The following ANKRD44 variants were observed in gnomAD, a reference collection of about 807,000 sequenced individuals.
ANKRD44 encodes ankyrin repeat domain 44, also known as serine/threonine-protein phosphatase 6 regulatory ankyrin repeat subunit B.
A neutral mutation model predicts 116.0 loss-of-function variants in ANKRD44; 35 were observed. That is an observed-to-expected ratio of 0.30 (90% CI 0.23 to 0.40). ANKRD44 has a LOEUF of 0.40. Ranked by LOEUF, ANKRD44 falls within the 10% of genes least tolerant of loss-of-function variation. The probability of loss-of-function intolerance (pLI) is 1.00; values close to 1 mark genes in which losing one functional copy is unlikely to be tolerated. For missense variants in ANKRD44, 1,014 were observed against 1,242.6 expected (o/e 0.82, Z 2.77); for synonymous variants, 435 against 461.8 (o/e 0.94, Z 0.74).
At chr2:197,109,556 CTTTGT>C (rs2078516432) in intron 9 of ANKRD44, among the ~76,000 whole-genome samples, 1 of 152,150 alleles carries the variant, frequency 6.6e-6, no homozygotes, top group South Asian at 2.1e-4. Context: ...CAAATGACTT[CTTTGT>C]TTTATGTCTT....
chr2:197,264,561 C>T (rs1303529296), intron 1 of ANKRD44, among the ~76,000 whole-genome samples: 1 of 152,158 alleles, frequency 6.6e-6, no homozygotes, highest in African/African-American at 2.4e-5. Context: ...AGAGCTGCAA[C>T]AAATAGTTCA....
At chr2:196,995,177 AAAG>A (rs2075991176) in intron 26 of ANKRD44, 199 bp downstream of exon 26, 1 of 359,166 alleles carries the variant, frequency 2.8e-6, no homozygotes, top group African/African-American at 2.1e-5. Context: ...AGACATATCA[AAAG>A]AAGGATTCTA....
chr2:197,296,058 G>C (rs1453047371), intron 1 of ANKRD44, among the ~76,000 whole-genome samples: 1 of 152,042 alleles, frequency 6.6e-6, no homozygotes, highest in Non-Finnish European at 1.5e-5. Context: ...AAATAAAAAA[G>C]AAAAGAAGAA....
intron 21 of ANKRD44, among the ~76,000 whole-genome samples, chr2:196,971,125 T>C (rs2075712587): frequency 1.3e-5 from 2 of 152,344 alleles, no homozygotes; most frequent in Non-Finnish European, 1.5e-5. Flanking sequence ...CTTAACATTA[T>C]GTCATGCACA....
chr2:197,024,691 T>C (rs1339599193), intron 17 of ANKRD44, among the ~76,000 whole-genome samples: 2 of 152,202 alleles, frequency 1.3e-5, no homozygotes, highest in Admixed American at 6.5e-5. Flanking sequence ...CAGACTTCGT[T>C]GAAGACCCTG....
At chr2:197,131,026 C>T (rs2125364584) in intron 4 of ANKRD44, among the ~76,000 whole-genome samples, 1 of 152,276 alleles carries the variant, frequency 6.6e-6, no homozygotes, top group South Asian at 2.1e-4. Context: ...CACTTTCCTC[C>T]ACTTTCTGGC....
chr2:196,980,812 A>T (rs931990496), intron 21 of ANKRD44, among the ~76,000 whole-genome samples: 1 of 152,242 alleles, frequency 6.6e-6, no homozygotes, highest in Non-Finnish European at 1.5e-5. Flanking sequence ...TAAAAGCTTC[A>T]TCCTAATCCT....
At chr2:197,088,637 C>T (rs2077977723) in intron 12 of ANKRD44, 74 bp downstream of exon 12, 1 of 948,748 alleles carries the variant, frequency 1.1e-6, no homozygotes, top group Non-Finnish European at 1.5e-6. Flanking sequence ...GCCTTTGATT[C>T]ACAGACAACT....
At position 197,269,960 on chromosome 2, in the gene ANKRD44, C is replaced by T. The variant is rs116627538; in HGVS notation, c.27+40618G>A. Among the ~76,000 whole-genome samples, 356 of 152,260 alleles carry T rather than the reference C, an allele frequency of 2.3e-3. 4 individuals carry two copies. Among genetic ancestry groups the T allele is most frequent in the African/African-American group, 8.3e-3 (344 of 41,568 alleles). ...GTTCTGTTTTTCAGCAGGGTGGCTA[C>T]CTGCAATTCTGGATAGGACACTTCC... On this transcript the variant is annotated intron_variant, in intron 1 of 27. Coordinates refer to ENST00000282272, the MANE Select transcript of ANKRD44 (RefSeq NM_001195144.2).
At chr2:197,181,122 C>T (rs1327294749) in intron 2 of ANKRD44, among the ~76,000 whole-genome samples, 1 of 152,148 alleles carries the variant, frequency 6.6e-6, no homozygotes, top group Non-Finnish European at 1.5e-5. Context: ...ATTGTATTCA[C>T]AAAGCATCCC....
At chr2:197,221,341 G>A (rs975022452) in intron 1 of ANKRD44, among the ~76,000 whole-genome samples, 3 of 151,804 alleles carry the variant, frequency 2.0e-5, no homozygotes, top group Non-Finnish European at 2.9e-5. Context: ...GCAGTGGAGT[G>A]ATCATAGCTA....
chr2:197,067,568 C>T (rs2077461284), intron 16 of ANKRD44, among the ~76,000 whole-genome samples: 1 of 135,232 alleles, frequency 7.4e-6, no homozygotes, highest in African/African-American at 2.8e-5. Flanking sequence ...ACAGACACTT[C>T]TCAAAAGAAG....
chr2:197,286,656 T>A (rs555996167), intron 1 of ANKRD44, among the ~76,000 whole-genome samples: 5 of 152,104 alleles, frequency 3.3e-5, no homozygotes, highest in Admixed American at 6.6e-5. Flanking sequence ...TTTTAAATGC[T>A]TCTCTTTACT....
At chr2:197,209,462 C>T (rs982809072) in intron 1 of ANKRD44, among the ~76,000 whole-genome samples, 6 of 152,200 alleles carry the variant, frequency 3.9e-5, no homozygotes, top group Non-Finnish European at 5.9e-5. Context: ...AGAGCTGCCA[C>T]ATCCATTCCT....
chr2:197,207,952 A>T (rs2081244680), intron 1 of ANKRD44, among the ~76,000 whole-genome samples: 1 of 152,166 alleles, frequency 6.6e-6, no homozygotes, highest in South Asian at 2.1e-4. Context: ...TATAAATTGT[A>T]CAGCCAGGAA....
chr2:196,990,649 G>A (rs754544292), intron 27 of ANKRD44: 16 of 1,231,956 alleles, frequency 1.3e-5, no homozygotes, highest in East Asian at 3.2e-5. Flanking sequence ...TCCAACACAG[G>A]TGATCAAAGA....
At chr2:197,009,069 AACACT>A (rs1245819575) in intron 18 of ANKRD44, 38 bp from the exon 19 acceptor site, 2 of 1,512,304 alleles carry the variant, frequency 1.3e-6, no homozygotes, top group East Asian at 4.5e-5. Flanking sequence ...TTAACAGAAC[AACACT>A]ACACATATCT....
At chr2:197,015,778 C>A in intron 17 of ANKRD44, 2 of 497,740 alleles carry the variant, frequency 4.0e-6, no homozygotes, top group Admixed American at 2.7e-5. Flanking sequence ...ATATAGAAAC[C>A]AAGGGGGTAG....
chr2:197,126,172 C>T, intron 4 of ANKRD44, 135 bp from the exon 5 acceptor site: 1 of 758,034 alleles, frequency 1.3e-6, no homozygotes, highest in South Asian at 1.8e-5. Context: ...CCAGACAAGC[C>T]AGGTAATATT....
Sources: gnomAD v4.1 joint callset for allele counts (sites outside exome capture counted in the v4.1 genomes callset) on GRCh38, gnomAD v4.1.1 for gene constraint, MANE v1.5 for transcripts, NCBI Gene and HGNC (gene_info 2026-07-23, HGNC 2026-07-21) for gene names.